Variants in TRAPPC9 observed in about 807,000 individuals in gnomAD.
TRAPPC9 encodes trafficking protein particle complex subunit 9.
In TRAPPC9, 83 loss-of-function variants were observed where a neutral mutation model predicts 124.0. The observed-to-expected ratio is 0.67, with a 90% CI of 0.56 to 0.80. TRAPPC9 has a LOEUF of 0.80. TRAPPC9 is among the 30% of genes least tolerant of loss of function. The pLI, the probability that TRAPPC9 is intolerant of heterozygous loss-of-function variation, is 0.00. For synonymous variants in TRAPPC9, 638 were observed against 617.5 expected, an observed-to-expected ratio of 1.03 and a Z score of -0.49; for missense variants, 1,302 against 1,508.3, an observed-to-expected ratio of 0.86 and a Z score of 2.27.
At chr8:139,868,861 A>G (rs1409414476) in intron 21 of TRAPPC9, among the ~76,000 whole-genome samples, 2 of 152,352 alleles carry the variant, frequency 1.3e-5, no homozygotes, top group African/African-American at 2.4e-5. Flanking sequence ...CAAGAAACAA[A>G]TCTGTGATAT....
At chr8:140,415,280 A>G (rs904347814) in intron 5 of TRAPPC9, among the ~76,000 whole-genome samples, 4 of 152,060 alleles carry the variant, frequency 2.6e-5, no homozygotes, top group African/African-American at 7.2e-5. Context: ...CTGGCCAGGT[A>G]CAGTGGCTCA....
intron 21 of TRAPPC9, among the ~76,000 whole-genome samples, chr8:139,779,062 T>C (rs991211227): frequency 1.2e-4 from 18 of 151,524 alleles, no homozygotes; most frequent in Non-Finnish European, 4.4e-5. Flanking sequence ...ACCTAATAAG[T>C]ACTGCTCAAA....
chr8:139,762,563 G>A (rs942028763), intron 21 of TRAPPC9, among the ~76,000 whole-genome samples: 2 of 152,158 alleles, frequency 1.3e-5, no homozygotes, highest in Admixed American at 6.5e-5. Context: ...GTAAGTATTT[G>A]TGTATTACCC....
At chr8:140,187,397 C>T (rs1381532006) in intron 17 of TRAPPC9, among the ~76,000 whole-genome samples, 5 of 152,104 alleles carry the variant, frequency 3.3e-5, no homozygotes, top group Admixed American at 2.6e-4. Context: ...TTGGGGTTTT[C>T]GGAGTTGGGA....
Position 139,728,616 on chromosome 8 carries a change from A to G in TRAPPC9, c.*2445T>C, listed in dbSNP as rs1817666709. 6.6e-6 allele frequency among the ~76,000 whole-genome samples: 1 copy of G among 152,192 alleles called. No individual in the cohort carries two copies. On this transcript the variant is annotated 3_prime_UTR_variant, in exon 23 of 23. Coordinates refer to ENST00000438773, the MANE Select transcript of TRAPPC9 (RefSeq NM_001160372.4). ...CCCCTGGCTCCCCACATCCCACGGT[A>G]AAGCTCCAAACGCTTGGAGCACACA...
intron 9 of TRAPPC9, among the ~76,000 whole-genome samples, chr8:140,335,954 C>T (rs1271273652): frequency 6.6e-6 from 1 of 152,042 alleles, no homozygotes; most frequent in South Asian, 2.1e-4. Context: ...GTGGTAGGCC[C>T]GCCTTGGCCC....
intron 15 of TRAPPC9, among the ~76,000 whole-genome samples, chr8:140,274,881 C>T (rs531823546): frequency 5.3e-5 from 8 of 152,324 alleles, no homozygotes; most frequent in African/African-American, 1.7e-4. Flanking sequence ...CTCACCCATA[C>T]GTCAAAAGCA....
intron 17 of TRAPPC9, among the ~76,000 whole-genome samples, chr8:140,196,604 A>C (rs112526248): frequency 4.2e-5 from 6 of 141,566 alleles, no homozygotes; most frequent in East Asian, 4.3e-4. Flanking sequence ...CACCATACAG[A>C]TCACACCTGT....
intron 18 of TRAPPC9, among the ~76,000 whole-genome samples, chr8:140,009,583 G>C (rs981248768): frequency 2.0e-5 from 3 of 152,106 alleles, no homozygotes; most frequent in Admixed American, 6.5e-5. Context: ...AAATAGCAAG[G>C]CTTAGCCTAT....
At chr8:139,839,523 G>T (rs1563853979) in intron 21 of TRAPPC9, among the ~76,000 whole-genome samples, 1 of 152,230 alleles carries the variant, frequency 6.6e-6, no homozygotes, top group East Asian at 1.9e-4. Flanking sequence ...GTTCTCAGGG[G>T]AGTAGACAGT....
Position 139,932,310 on chromosome 8 carries a change from G to A in TRAPPC9, c.2811-22010C>T, listed in dbSNP as rs369360317. The A allele has an allele frequency of 3.2e-4, 147 of 457,744 alleles. 1 individual carries two copies. The highest frequency in any genetic ancestry group is 4.5e-4 in the Admixed American group (19 of 42,570). 28.4% of individuals were successfully genotyped at this position (457,744 alleles called of 1,614,324 possible). ...CATGGGAGAATGTCCCCACCTCGTG[G>A]ATGTCAGGCTTGGCCACAGGTCCTT... On this transcript the variant is annotated intron_variant, in intron 19 of 22. Coordinates refer to ENST00000438773, the MANE Select transcript of TRAPPC9 (RefSeq NM_001160372.4).
intron 16 of TRAPPC9, among the ~76,000 whole-genome samples, chr8:140,231,527 C>G (rs1303382519): frequency 9.8e-6 from 1 of 102,022 alleles, no homozygotes; most frequent in African/African-American, 3.9e-5. Context: ...GAGTCTTGCT[C>G]TGTCGCCCAG....
At chr8:140,395,340 T>C (rs1457988543) in intron 7 of TRAPPC9, among the ~76,000 whole-genome samples, 1 of 152,090 alleles carries the variant, frequency 6.6e-6, no homozygotes, top group Non-Finnish European at 1.5e-5. Flanking sequence ...ACGTCTAATC[T>C]AGGAAATTAG....
chr8:140,372,907 C>A (rs1343458658), intron 7 of TRAPPC9, among the ~76,000 whole-genome samples: 1 of 152,216 alleles, frequency 6.6e-6, no homozygotes, highest in African/African-American at 2.4e-5. Flanking sequence ...CGGACTAAGA[C>A]AATCCCCATC....
At chr8:140,382,698 A>T (rs992134132) in intron 7 of TRAPPC9, among the ~76,000 whole-genome samples, 2 of 152,204 alleles carry the variant, frequency 1.3e-5, no homozygotes, top group Non-Finnish European at 2.9e-5. Flanking sequence ...CAGCTCAAGG[A>T]GGCCTGCCTG....
rs796650545 is a variant in TRAPPC9, at chr8:139,776,518, A to C, written c.3056-44316T>G. Among the ~76,000 whole-genome samples, 4 of 152,202 alleles carry C rather than the reference A, an allele frequency of 2.6e-5. No homozygotes were observed. The highest frequency in any genetic ancestry group is 9.6e-5 in the African/African-American group (4 of 41,464). On this transcript the variant is annotated intron_variant, in intron 21 of 22. Coordinates refer to ENST00000438773, the MANE Select transcript of TRAPPC9 (RefSeq NM_001160372.4). This position sits in a 1 kb window ranked among gnomAD's most constrained non-coding sequence, Gnocchi z 4.1. ...AACCCATTCGGCAAACGGGAGCTTCATCGCAATAGCGACTGCCTAATTAGG... is the reference window on the plus strand; with the variant it reads ...AACCCATTCGGCAAACGGGAGCTTCCTCGCAATAGCGACTGCCTAATTAGG...
chr8:139,757,545 G>A (rs1021605187), intron 21 of TRAPPC9, among the ~76,000 whole-genome samples: 2 of 151,904 alleles, frequency 1.3e-5, no homozygotes, highest in African/African-American at 2.4e-5. Flanking sequence ...ACAGCGTGTC[G>A]CCGGAGGAGC....
intron 21 of TRAPPC9, among the ~76,000 whole-genome samples, chr8:139,814,151 C>T (rs1824649488): frequency 6.6e-6 from 1 of 152,358 alleles, no homozygotes; most frequent in African/African-American, 2.4e-5. Context: ...CTGTTCAGTC[C>T]ACCCAGCAGC....
intron 20 of TRAPPC9, among the ~76,000 whole-genome samples, chr8:139,887,211 T>G (rs1163416682): frequency 6.6e-6 from 1 of 150,884 alleles, no homozygotes; most frequent in Non-Finnish European, 1.5e-5. Flanking sequence ...CTGTGTCCTA[T>G]TTTAGCTTTT....
Sources: allele counts gnomAD v4.1 joint callset (sites outside exome capture counted in the v4.1 genomes callset), GRCh38; gene constraint gnomAD v4.1.1; non-coding constraint Gnocchi (gnomAD v3.1); transcripts MANE v1.5; gene names NCBI Gene and HGNC (gene_info 2026-07-23, HGNC 2026-07-21).